Variants in DLG2 observed in about 807,000 individuals in gnomAD.
DLG2 encodes discs large MAGUK scaffold protein 2, also known as disks large homolog 2.
In DLG2, 45 loss-of-function variants were observed where a neutral mutation model predicts 132.5. The observed-to-expected ratio is 0.34, with a 90% CI of 0.27 to 0.44. DLG2 has a LOEUF of 0.44. Among genes scored for constraint, DLG2 ranks in the 20% least tolerant of loss-of-function variants. The probability of loss-of-function intolerance (pLI) is 1.00; values close to 1 mark genes in which losing one functional copy is unlikely to be tolerated. For synonymous variants in DLG2, 424 were observed against 419.6 expected (o/e 1.01, Z -0.13); for missense variants, 1,045 against 1,196.9 (o/e 0.87, Z 1.87).
intron 6 of DLG2, among the ~76,000 whole-genome samples, chr11:84,591,221 C>CTGTG (rs777029147): frequency 1.6e-4 from 4 of 25,488 alleles, no homozygotes; most frequent in African/African-American, 7.7e-4. Context: ...ATATGTGTCT[C>CTGTG]TCTGTGTGTG....
chr11:84,431,483 T>C (rs1371254778), intron 7 of DLG2, among the ~76,000 whole-genome samples: 1 of 152,176 alleles, frequency 6.6e-6, no homozygotes, highest in African/African-American at 2.4e-5. Flanking sequence ...AGTTTTCTCT[T>C]CTGCAATCTA....
chr11:84,052,507 A>T (rs1481628403), intron 11 of DLG2, among the ~76,000 whole-genome samples: 1 of 151,766 alleles, frequency 6.6e-6, no homozygotes, highest in East Asian at 1.9e-4. Context: ...TACAAGAAAA[A>T]AAACAACCCC....
chr11:85,499,708 G>T (rs1238612859), intron 3 of DLG2, among the ~76,000 whole-genome samples: 1 of 152,144 alleles, frequency 6.6e-6, no homozygotes, highest in Admixed American at 6.5e-5. Context: ...TAAAATACTG[G>T]CAAACCAAAT....
chr11:84,737,402 G>A (rs2063979257), intron 6 of DLG2, among the ~76,000 whole-genome samples: 1 of 151,772 alleles, frequency 6.6e-6, no homozygotes, highest in Admixed American at 6.6e-5. Flanking sequence ...CGATATTTTA[G>A]GAATGATTTG....
chr11:84,365,747 T>C (rs1021491668), intron 7 of DLG2, among the ~76,000 whole-genome samples: 1 of 151,976 alleles, frequency 6.6e-6, no homozygotes, highest in Non-Finnish European at 1.5e-5. Flanking sequence ...ACATCTTTAT[T>C]TCTGCCTTCC....
intron 7 of DLG2, among the ~76,000 whole-genome samples, chr11:84,501,863 TA>T (rs2154504251): frequency 6.6e-6 from 1 of 152,140 alleles, no homozygotes; most frequent in South Asian, 2.1e-4. Flanking sequence ...ACCATGTGAA[TA>T]AGGGTAGAGG....
At chr11:84,415,654 A>G (rs1352678698) in intron 7 of DLG2, among the ~76,000 whole-genome samples, 1 of 152,130 alleles carries the variant, frequency 6.6e-6, no homozygotes, top group East Asian at 1.9e-4. Flanking sequence ...GCGCCAGTGA[A>G]ACACATGGGG....
At chr11:84,063,123 G>A (rs1346671039) in intron 10 of DLG2, among the ~76,000 whole-genome samples, 1 of 152,074 alleles carries the variant, frequency 6.6e-6, no homozygotes, top group Admixed American at 6.6e-5. Flanking sequence ...AAAACAAAAT[G>A]TTGTTTACAT....
chr11:85,487,730 G>C (rs1199075744), intron 3 of DLG2, among the ~76,000 whole-genome samples: 2 of 152,092 alleles, frequency 1.3e-5, no homozygotes, highest in African/African-American at 2.4e-5. Context: ...GGTGAAGAGA[G>C]ATCAAAAGAC....
intron 5 of DLG2, among the ~76,000 whole-genome samples, chr11:85,133,458 A>G (rs1482154743): frequency 6.6e-6 from 1 of 152,178 alleles, no homozygotes; most frequent in African/African-American, 2.4e-5. Context: ...ACTCACTTGC[A>G]ATTACAAGGG....
intron 3 of DLG2, among the ~76,000 whole-genome samples, chr11:85,316,922 T>G (rs1374378309): frequency 6.8e-6 from 1 of 146,726 alleles, no homozygotes; most frequent in Non-Finnish European, 1.5e-5. Flanking sequence ...AAATACATAC[T>G]TAAATAAATC....
intron 15 of DLG2, among the ~76,000 whole-genome samples, chr11:83,892,494 T>C (rs2070236520): frequency 6.6e-6 from 1 of 152,182 alleles, no homozygotes; most frequent in Non-Finnish European, 1.5e-5. Context: ...TGTTTTGTCT[T>C]TGGATCTCAA....
At chr11:85,299,344 G>A (rs1272746621) in intron 3 of DLG2, among the ~76,000 whole-genome samples, 1 of 152,124 alleles carries the variant, frequency 6.6e-6, no homozygotes, top group Non-Finnish European at 1.5e-5. Flanking sequence ...TTTATGTCTG[G>A]AGTAATTGTT....
intron 15 of DLG2, among the ~76,000 whole-genome samples, chr11:83,882,345 T>C (rs184956287): frequency 6.6e-6 from 1 of 152,306 alleles, no homozygotes; most frequent in East Asian, 1.9e-4. Context: ...ATGCAAAGTG[T>C]AAGATTGTAC....
At chr11:85,243,020 G>C (rs2075964976) in intron 4 of DLG2, among the ~76,000 whole-genome samples, 1 of 151,988 alleles carries the variant, frequency 6.6e-6, no homozygotes, top group Non-Finnish European at 1.5e-5. Flanking sequence ...GGTGTCCTAA[G>C]GCAAAAGCAG....
chr11:85,233,405 T>C (rs2075403904), intron 4 of DLG2, among the ~76,000 whole-genome samples: 1 of 151,942 alleles, frequency 6.6e-6, no homozygotes, highest in Non-Finnish European at 1.5e-5. Flanking sequence ...AGATCCCTCA[T>C]TTTTCACAGA....
chr11:83,609,007 A>G (rs367625296), intron 19 of DLG2, among the ~76,000 whole-genome samples: 45 of 152,156 alleles, frequency 3.0e-4, no homozygotes, highest in African/African-American at 8.9e-4. Flanking sequence ...TTCAAACAGA[A>G]GCCCCCCTTT....
intron 12 of DLG2, among the ~76,000 whole-genome samples, chr11:83,967,578 C>G (rs35494684): frequency 0.043 from 6,468 of 152,068 alleles, 198 homozygotes; most frequent in Non-Finnish European, 0.067. Flanking sequence ...TTTTAAAATC[C>G]TGTTAATGTT....
intron 6 of DLG2, among the ~76,000 whole-genome samples, chr11:84,858,982 G>T (rs1412044012): frequency 6.6e-6 from 1 of 151,828 alleles, no homozygotes; most frequent in Non-Finnish European, 1.5e-5. Flanking sequence ...ATATAACTTT[G>T]GTCAAGATGC....
Sources: allele counts gnomAD v4.1 joint callset (sites outside exome capture counted in the v4.1 genomes callset), GRCh38; gene constraint gnomAD v4.1.1; transcripts MANE v1.5; gene names NCBI Gene and HGNC (gene_info 2026-07-23, HGNC 2026-07-21).